The following ITCH variants were observed in gnomAD, a reference collection of about 807,000 sequenced individuals.
ITCH encodes the protein itchy E3 ubiquitin protein ligase, also known as E3 ubiquitin-protein ligase Itchy homolog.
Under a neutral mutation model 126.8 loss-of-function variants are expected in ITCH, and 28 were observed. The observed-to-expected ratio is 0.22, with a 90% CI of 0.16 to 0.30. The LOEUF (loss-of-function observed/expected upper bound fraction) is 0.30. Among genes scored for constraint, ITCH ranks in the 10% least tolerant of loss-of-function variants. ITCH has a pLI of 1.00. For synonymous variants in ITCH, 342 were observed against 340.0 expected (o/e 1.01, Z -0.06); for missense variants, 631 against 1,032.4 (o/e 0.61, Z 5.33).
At chr20:34,433,072 C>A (rs1015037807) in intron 7 of ITCH, among the ~76,000 whole-genome samples, 9 of 152,066 alleles carry the variant, frequency 5.9e-5, no homozygotes, top group Middle Eastern at 3.4e-3. Context: ...GGTGGATCAC[C>A]TGAAGTCAGG....
chr20:34,393,766 A>T, intron 2 of ITCH, 25 bp from the exon 3 acceptor site: 2 of 1,336,492 alleles, frequency 1.5e-6, no homozygotes, highest in Non-Finnish European at 2.2e-6. Context: ...TTTGATGTTT[A>T]CAGTGTCTCC....
At chr20:34,455,347 G>C (rs1985779818) in intron 12 of ITCH, among the ~76,000 whole-genome samples, 1 of 152,174 alleles carries the variant, frequency 6.6e-6, no homozygotes, top group Non-Finnish European at 1.5e-5. Flanking sequence ...TTAGGATACA[G>C]CAGGAATCCC....
intron 2 of ITCH, among the ~76,000 whole-genome samples, chr20:34,386,102 T>TTTTTGTTTTTTTG (rs1555851864): frequency 9.2e-5 from 14 of 152,144 alleles, no homozygotes; most frequent in African/African-American, 3.1e-4. Flanking sequence ...TTTGTTTTTT[T>TTTTTGTTTTTTTG]TTTTGTTTTG....
In ITCH at chr20:34,475,157, C is replaced by T. The variant is rs1438098138; in HGVS notation, c.1570-2615C>T. On this transcript the variant is annotated intron_variant, in intron 16 of 24. Coordinates refer to ENST00000374864, the MANE Select transcript of ITCH (RefSeq NM_031483.7). Reference sequence around the variant, plus strand: ...GGGATGGCGGCCGGGCAGAGACGCTCCTCACTTTCCAGACTGGGCAGCCAG... The same window carrying T: ...GGGATGGCGGCCGGGCAGAGACGCTTCTCACTTTCCAGACTGGGCAGCCAG... Among the ~76,000 whole-genome samples, 13 of 151,828 alleles carry T rather than the reference C, an allele frequency of 8.6e-5. No homozygotes were observed. The East Asian group carries it at 2.1e-3, about 25-fold the overall frequency.
At chr20:34,445,216 G>T in intron 10 of ITCH, 71 bp from the exon 11 acceptor site, 1 of 1,548,218 alleles carries the variant, frequency 6.5e-7, no homozygotes, top group Non-Finnish European at 8.8e-7. Flanking sequence ...GTTTCTCAAG[G>T]TAAAATATTC....
chr20:34,455,803 T>C (rs1349442342), intron 12 of ITCH, among the ~76,000 whole-genome samples: 1 of 151,738 alleles, frequency 6.6e-6, no homozygotes, highest in African/African-American at 2.4e-5. Context: ...TAAACCTTAA[T>C]GGGGAGATTT....
chr20:34,433,352 C>G (rs1982580567), intron 7 of ITCH, among the ~76,000 whole-genome samples: 1 of 152,158 alleles, frequency 6.6e-6, no homozygotes, highest in Non-Finnish European at 1.5e-5. Context: ...CATGTTTTGA[C>G]TTGGTTGTTC....
At chr20:34,437,275 GA>G (rs1220967537) in intron 7 of ITCH, among the ~76,000 whole-genome samples, 5 of 152,002 alleles carry the variant, frequency 3.3e-5, no homozygotes, top group African/African-American at 4.8e-5. Context: ...ATGTTTTACA[GA>G]AAAAAAATTT....
Position 34,412,616 on chromosome 20 carries a change from C to T in ITCH, c.314C>T (p.Thr105Ile). 1 of 1,606,890 alleles carries T rather than the reference C, an allele frequency of 6.2e-7. No individual in the cohort carries two copies. The stretch of plus-strand genomic sequence containing the variant: ...ACTGCTGCATTAGATATTTATGAAA[C>T]ATTAAAGTCAAACAATATGAAACGT... ...LGTAALDIYE[T>I]LKSNNMKLEE... Residue 105 changes from threonine (T) to isoleucine (I), a missense_variant, in exon 5 of 25, where the codon ACA (threonine) becomes ATA (isoleucine). This residue lies in a region of ITCH where 220 missense variants were observed against 265.7 expected (regional missense o/e 0.83). Transcript: ENST00000374864.
chr20:34,457,843 G>A (rs1433504154), intron 13 of ITCH, among the ~76,000 whole-genome samples: 1 of 152,052 alleles, frequency 6.6e-6, no homozygotes, highest in African/African-American at 2.4e-5. Context: ...CAGCTACTCG[G>A]GAGACTGAGG....
At chr20:34,447,886 G>A (rs1984660512) in intron 11 of ITCH, among the ~76,000 whole-genome samples, 2 of 152,170 alleles carry the variant, frequency 1.3e-5, no homozygotes, top group African/African-American at 4.8e-5. Context: ...GTGACATGGG[G>A]TTGTAGGGGT....
At chr20:34,375,661 C>G (rs982415024) in intron 2 of ITCH, among the ~76,000 whole-genome samples, 5 of 119,878 alleles carry the variant, frequency 4.2e-5, no homozygotes, top group African/African-American at 9.7e-5. Flanking sequence ...TACTTAAGGT[C>G]TTGGGAATAC....
chr20:34,398,559 T>A (rs2038756806), intron 3 of ITCH, among the ~76,000 whole-genome samples: 1 of 152,016 alleles, frequency 6.6e-6, no homozygotes, highest in Non-Finnish European at 1.5e-5. Flanking sequence ...CCACTATGCC[T>A]GGCTAATTTT....
intron 7 of ITCH, among the ~76,000 whole-genome samples, chr20:34,428,204 A>G (rs1981803904): frequency 6.6e-6 from 1 of 152,240 alleles, no homozygotes; most frequent in Admixed American, 6.5e-5. Context: ...ATGTTACTAC[A>G]CAATAATGAG....
chr20:34,437,382 T>C (rs1413018001), intron 7 of ITCH, among the ~76,000 whole-genome samples: 1 of 152,172 alleles, frequency 6.6e-6, no homozygotes, highest in Non-Finnish European at 1.5e-5. Flanking sequence ...CTCAGCTCAC[T>C]GCAACCTCCA....
intron 11 of ITCH, among the ~76,000 whole-genome samples, chr20:34,445,750 C>T (rs950471502): frequency 6.6e-6 from 1 of 152,042 alleles, no homozygotes; most frequent in African/African-American, 2.4e-5. Context: ...TAAAAATAAA[C>T]CCAAGCAGCT....
chr20:34,407,813 T>G (rs1978351958), intron 3 of ITCH, among the ~76,000 whole-genome samples: 1 of 152,200 alleles, frequency 6.6e-6, no homozygotes, highest in Admixed American at 6.5e-5. Context: ...CATCAGCCTG[T>G]TTTTCATCAT....
At chr20:34,372,700 A>G (rs1207162888) in intron 2 of ITCH, among the ~76,000 whole-genome samples, 1 of 151,968 alleles carries the variant, frequency 6.6e-6, no homozygotes, top group Non-Finnish European at 1.5e-5. Flanking sequence ...TACTTTAAAC[A>G]TTGGCACTGA....
chr20:34,499,165 G>A (rs533692142), intron 23 of ITCH, among the ~76,000 whole-genome samples: 291 of 151,102 alleles, frequency 1.9e-3, no homozygotes, highest in Admixed American at 4.7e-3. Context: ...TAGTAGAGAC[G>A]GGGTTTCACC....
Sources: gnomAD v4.1 joint callset for allele counts (sites outside exome capture counted in the v4.1 genomes callset) on GRCh38, gnomAD v4.1.1 for gene constraint, gnomAD v4.1.1 regional missense constraint, MANE v1.5 for transcripts, NCBI Gene and HGNC (gene_info 2026-07-23, HGNC 2026-07-21) for gene names.